The following MICALL2 variants were observed in gnomAD, a reference collection of about 807,000 sequenced individuals.
The protein encoded by MICALL2 is MICAL like 2, also known as MICAL-like protein 2.
MICALL2 carries 111 observed loss-of-function variants against 91.1 expected under a neutral mutation model. The ratio of observed to expected loss-of-function variants is 1.22; its 90% CI spans 1.04 to 1.43. The LOEUF is 1.43. MICALL2 is among the 40% of genes most tolerant of loss of function. MICALL2 has a pLI of 0.00. For missense variants in MICALL2, 1,556 were observed against 1,236.0 expected, an observed-to-expected ratio of 1.26 and a Z score of -3.88; for synonymous variants, 694 against 525.3, an observed-to-expected ratio of 1.32 and a Z score of -4.39.
intron 13 of MICALL2, 133 bp from the exon 14 acceptor site, chr7:1,437,741 C>T: frequency 8.1e-7 from 1 of 1,236,938 alleles, no homozygotes; most frequent in Non-Finnish European, 1.1e-6. Context: ...CCGTCCCCCG[C>T]CTGGCCCACC....
intron 4 of MICALL2, 81 bp downstream of exon 4, chr7:1,447,494 C>T (rs1023184238): frequency 4.6e-6 from 4 of 869,868 alleles, no homozygotes; most frequent in South Asian, 1.8e-5. Context: ...GCTTAGGGGC[C>T]GCACGTAGTC....
intron 1 of MICALL2, among the ~76,000 whole-genome samples, chr7:1,454,924 G>C (rs1005766279): frequency 6.6e-6 from 1 of 152,152 alleles, no homozygotes; most frequent in Admixed American, 6.5e-5. Flanking sequence ...CCCTGAGCCC[G>C]CCTCCAGAGC....
At chr7:1,440,176 G>A (rs372262317) in intron 8 of MICALL2, 91 bp from the exon 9 acceptor site, 130 of 1,481,582 alleles carry the variant, frequency 8.8e-5, no homozygotes, top group East Asian at 4.3e-4. Flanking sequence ...CAGACCAGCC[G>A]GAGGGAGCAG....
intron 4 of MICALL2, 151 bp downstream of exon 4, chr7:1,447,424 C>T (rs375388410): frequency 3.4e-5 from 19 of 558,714 alleles, no homozygotes; most frequent in African/African-American, 1.9e-5. Context: ...CCGGTCCTGG[C>T]GGCTCTTGCT....
rs1226106399 is a variant in MICALL2, at chr7:1,437,880, G to A, written c.2402+10C>T. 1.9e-5 allele frequency: 30 copies of A among 1,547,968 alleles called. No homozygotes were observed. Among genetic ancestry groups the A allele is most frequent in the African/African-American group, 2.7e-5 (2 of 72,956 alleles). On this transcript the variant is annotated intron_variant, in intron 13 of 16. Transcript: ENST00000297508. ...GGCCTTCGAGGAGGGGCCCACGGCT[G>A]GGCTCTCACTTGTACATCAGCTCTG... is the stretch of plus-strand genomic sequence containing the variant.
At position 1,450,254 on chromosome 7, in the gene MICALL2, CATAA is replaced by C. The variant is rs1238218540; in HGVS notation, c.174_177del (p.Ile58MetfsTer29). 2 of 1,612,890 alleles carry C rather than the reference CATAA, an allele frequency of 1.2e-6. No homozygotes were observed. Among genetic ancestry groups the C allele is most frequent in the East Asian group, 4.5e-5 (2 of 44,868 alleles). Reference sequence around the variant, plus strand: ...GGGCCACTCACCAGTTTATTGTTTTCATAAATATTTTCCTTCTTGAGAGCACTGA... The same window carrying C: ...GGGCCACTCACCAGTTTATTGTTTTCATATTTTCCTTCTTGAGAGCACTGA... On this transcript the variant is annotated frameshift_variant, in exon 2 of 17. Transcript: ENST00000297508. LOFTEE classifies it high-confidence loss of function.
intron 7 of MICALL2, 116 bp downstream of exon 7, chr7:1,442,076 G>A (rs1046415563): frequency 3.8e-5 from 45 of 1,178,380 alleles, no homozygotes; most frequent in African/African-American, 8.2e-5. Flanking sequence ...GAGATGAGAC[G>A]GAGAGGAAGG....
intron 2 of MICALL2, 116 bp downstream of exon 2, chr7:1,450,124 G>C (rs1272039231): frequency 2.5e-6 from 2 of 786,830 alleles, no homozygotes; most frequent in African/African-American, 3.4e-5. Flanking sequence ...CCGATTCCCA[G>C]GCAGGACTCC....
rs1156438470 is a variant in MICALL2 at position 1,437,522 on chromosome 7, G to A, written c.2476+13C>T. 24 of 1,514,006 alleles carry A rather than the reference G, an allele frequency of 1.6e-5. No homozygotes were observed. Among genetic ancestry groups the A allele is most frequent in the Admixed American group, 6.7e-5 (3 of 45,094 alleles). 93.8% of individuals were successfully genotyped at this position (1,514,006 alleles called of 1,614,324 possible). A position where few individuals can be genotyped will look rare whatever the true frequency, so the allele number is the denominator to read the frequency against. On this transcript the variant is annotated intron_variant, in intron 14 of 16. Coordinates refer to ENST00000297508, the MANE Select transcript of MICALL2 (RefSeq NM_182924.4). ...CTGGCTGGGGCCCCTTGGCTGGCGC[G>A]CGGGGGACGCACCGGGCTTGGCCAT...
chr7:1,439,904 C>T, intron 9 of MICALL2, 21 bp downstream of exon 9: 1 of 1,419,868 alleles, frequency 7.0e-7, no homozygotes, highest in Non-Finnish European at 9.2e-7. Flanking sequence ...CCGGGGGCCC[C>T]TGGGTCCCGT....
chr7:1,445,529 A>G, intron 5 of MICALL2, 101 bp from the exon 6 acceptor site: 1 of 1,197,216 alleles, frequency 8.4e-7, no homozygotes, highest in Non-Finnish European at 1.1e-6. Flanking sequence ...TCCTGTGTCC[A>G]CTTGCGAGGT....
intron 1 of MICALL2, among the ~76,000 whole-genome samples, chr7:1,455,968 C>G (rs6972657): frequency 0.011 from 1,712 of 152,038 alleles, 40 homozygotes; most frequent in African/African-American, 0.04. Flanking sequence ...CCCTCACACG[C>G]GTTTCCTCCC....
intron 14 of MICALL2, 120 bp from the exon 15 acceptor site, chr7:1,436,976 G>C (rs1779999232): frequency 3.0e-6 from 2 of 672,612 alleles, no homozygotes; most frequent in Admixed American, 7.1e-5. Flanking sequence ...TGGGGTCTTG[G>C]GGGGATCCGG....
chr7:1,438,043 A>G, intron 12 of MICALL2, 54 bp downstream of exon 12: 1 of 1,561,698 alleles, frequency 6.4e-7, no homozygotes, highest in Non-Finnish European at 8.7e-7. Flanking sequence ...CAGCCCCAGG[A>G]CTGAGGGTGT....
chr7:1,450,530 CCT>C (rs1780788031), intron 1 of MICALL2: 1 of 501,918 alleles, frequency 2.0e-6, no homozygotes, highest in Non-Finnish European at 3.7e-6. Context: ...CCTCCTGTAC[CCT>C]GACAGGCCGC....
chr7:1,439,657 T>C (rs1786238720), intron 9 of MICALL2: 3 of 384,258 alleles, frequency 7.8e-6, no homozygotes. Flanking sequence ...TGCACATGCA[T>C]CACACACATG....
In MICALL2 at chr7:1,448,681, G is replaced by C. The variant is rs78897087; in HGVS notation, c.273C>G (p.Asp91Glu). ...AEDMVALKVP[D>E]RLSILTYVSQ... ...ACACGTAGGTCAAGATGCTCAGCCG[G>C]TCAGGCACCTTCAAGGCCACCATGT... Residue 91 changes from aspartate to glutamate, a missense_variant, in exon 3 of 17, where the codon GAC becomes GAG. By Grantham distance (45) the Asp-to-Glu change is conservative. Coordinates refer to ENST00000297508, the MANE Select transcript of MICALL2 (RefSeq NM_182924.4). The C allele has an allele frequency of 4.3e-6, 7 of 1,612,790 alleles. No individual in the cohort carries two copies. Among genetic ancestry groups the C allele is most frequent in the Admixed American group, 3.3e-5 (2 of 60,026 alleles).
At position 1,451,043 on chromosome 7, in the gene MICALL2, GGTGGTGGA is replaced by G. The variant is rs1283858201; in HGVS notation, c.144-763_144-756del. Among the ~76,000 whole-genome samples, 1 of 152,156 alleles carries G rather than the reference GGTGGTGGA, an allele frequency of 6.6e-6. No homozygotes were observed. Among genetic ancestry groups the G allele is most frequent in the Non-Finnish European group, 1.5e-5 (1 of 68,018 alleles). On this transcript the variant is annotated intron_variant, in intron 1 of 16. Transcript: ENST00000297508. The surrounding 1 kb of genome is among the most constrained non-coding windows in gnomAD (Gnocchi z 4.5). ...CTGAGGTTACATGGTTCTCTCTTTGGGTGGTGGAGTGCCTTCCCAGGTGCTCAGCGAGG... is the reference window on the plus strand; with the variant it reads ...CTGAGGTTACATGGTTCTCTCTTTGGGTGCCTTCCCAGGTGCTCAGCGAGG...
intron 1 of MICALL2, among the ~76,000 whole-genome samples, chr7:1,453,925 C>T (rs757186252): frequency 1.3e-5 from 2 of 152,126 alleles, no homozygotes; most frequent in African/African-American, 4.8e-5. Flanking sequence ...ATGAATTTGC[C>T]GTCTGTGTGT....
Sources: gnomAD v4.1 joint callset for allele counts (sites outside exome capture counted in the v4.1 genomes callset) on GRCh38, gnomAD v4.1.1 for gene constraint, Gnocchi (gnomAD v3.1) non-coding constraint, MANE v1.5 for transcripts, NCBI Gene and HGNC (gene_info 2026-07-23, HGNC 2026-07-21) for gene names.